The following ESR1 variants were observed in gnomAD, a reference collection of about 807,000 sequenced individuals.
ESR1 encodes the protein estrogen receptor 1, also known as estrogen receptor.
Under a neutral mutation model 52.7 loss-of-function variants are expected in ESR1, and 12 were observed. The ratio of observed to expected loss-of-function variants is 0.23; its 90% CI spans 0.15 to 0.37. ESR1 has a LOEUF of 0.37. Among genes scored for constraint, ESR1 ranks in the 10% least tolerant of loss-of-function variants. The pLI is 1.00. For missense variants in ESR1, 584 were observed against 779.7 expected (o/e 0.75, Z 2.99); for synonymous variants, 305 against 316.8 (o/e 0.96, Z 0.39).
intron 3 of ESR1, among the ~76,000 whole-genome samples, chr6:151,892,610 G>A (rs73621216): frequency 0.038 from 4,750 of 124,122 alleles, 267 homozygotes; most frequent in African/African-American, 0.14. Context: ...TTTTTTTTCT[G>A]TTAGAGATGT....
chr6:151,944,954 G>T (rs970280020), intron 4 of ESR1, among the ~76,000 whole-genome samples: 7 of 152,180 alleles, frequency 4.6e-5, no homozygotes, highest in Non-Finnish European at 8.8e-5. Context: ...GGTGGCTCGT[G>T]CCTGTAATCC....
At chr6:151,806,400 A>G (rs1356467097), upstream of ESR1, among the ~76,000 whole-genome samples, 2 of 151,922 alleles carry the variant, frequency 1.3e-5, no homozygotes, top group Non-Finnish European at 2.9e-5. Flanking sequence ...TGGGATAGCA[A>G]TTAAAACAAA....
intron 1 of ESR1, chr6:151,811,187 A>G (rs1201928527): frequency 6.6e-6 from 1 of 152,210 alleles, no homozygotes; most frequent in African/African-American, 2.4e-5. Context: ...CTGGACGCAT[A>G]ATAATGTGAG....
chr6:151,915,955 G>T (rs936956074), intron 3 of ESR1, among the ~76,000 whole-genome samples: 2 of 152,066 alleles, frequency 1.3e-5, no homozygotes, highest in Non-Finnish European at 2.9e-5. Flanking sequence ...TTTAGCATTT[G>T]ACATTTGATA....
At chr6:152,105,944 C>T (rs1222274546), downstream of ESR1, among the ~76,000 whole-genome samples, 10 of 149,728 alleles carry the variant, frequency 6.7e-5, no homozygotes, top group African/African-American at 2.0e-4. Context: ...CCCGCCACCG[C>T]GCCCGGCTAA....
At chr6:151,698,081 A>G (rs1446277900) in intron 1 of ESR1, among the ~76,000 whole-genome samples, 1 of 152,086 alleles carries the variant, frequency 6.6e-6, no homozygotes, top group African/African-American at 2.4e-5. Context: ...TGGGCGACAG[A>G]ACATTTAATG....
intron 4 of ESR1, among the ~76,000 whole-genome samples, chr6:151,986,586 A>G (rs2040504424): frequency 6.6e-6 from 1 of 152,162 alleles, no homozygotes; most frequent in Non-Finnish European, 1.5e-5. Context: ...TTTTAGATCT[A>G]TTTTTGAAAA....
chr6:151,903,632 C>T (rs992075468), intron 3 of ESR1, among the ~76,000 whole-genome samples: 10 of 152,172 alleles, frequency 6.6e-5, no homozygotes, highest in African/African-American at 2.4e-4. Flanking sequence ...AGCCACTCAG[C>T]TCTGACCCCA....
chr6:151,929,533 G>GT (rs1218553860), intron 3 of ESR1, among the ~76,000 whole-genome samples: 4 of 152,080 alleles, frequency 2.6e-5, no homozygotes, highest in African/African-American at 9.7e-5. Flanking sequence ...TAGATGACAG[G>GT]TTAATAGGTG....
chr6:151,698,076 G>A (rs55776466), intron 1 of ESR1, among the ~76,000 whole-genome samples: 2,939 of 151,572 alleles, frequency 0.019, 36 homozygotes, highest in East Asian at 0.033. Context: ...CAGCCTGGGC[G>A]ACAGAACATT....
intron 3 of ESR1, among the ~76,000 whole-genome samples, chr6:151,904,239 A>G (rs139385123): frequency 1.3e-3 from 192 of 152,350 alleles, no homozygotes; most frequent in Non-Finnish European, 2.2e-3. Flanking sequence ...TAACAAATAA[A>G]TAAAACTGTG....
intron 3 of ESR1, among the ~76,000 whole-genome samples, chr6:151,921,311 C>A (rs190300807): frequency 6.6e-6 from 1 of 152,174 alleles, no homozygotes; most frequent in African/African-American, 2.4e-5. Context: ...TTATGTACCA[C>A]ATTTTCTTTA....
rs751266509 is a variant in ESR1 at position 151,964,705 on chromosome 6, G to A, written c.1096+20197G>A. Among the ~76,000 whole-genome samples, 60 of 150,986 alleles carry A rather than the reference G, an allele frequency of 4.0e-4. 2 individuals are homozygous for A. Among genetic ancestry groups the A allele is most frequent in the East Asian group, 3.9e-4 (2 of 5,104 alleles). The stretch of plus-strand genomic sequence containing the variant: ...CACCCAGGTTGGAGTGCAGTGGTGC[G>A]ATCTCCACTCACTGCAAGCTCTGCC... On this transcript the variant is annotated intron_variant, in intron 4 of 7. Coordinates refer to ENST00000206249, the MANE Select transcript of ESR1 (RefSeq NM_000125.4).
intron 1 of ESR1, among the ~76,000 whole-genome samples, chr6:151,660,102 A>G (rs1582829802): frequency 2.0e-5 from 3 of 152,230 alleles, no homozygotes; most frequent in Admixed American, 6.5e-5. Context: ...ATGGACATTC[A>G]TTACATGTGC....
chr6:151,898,626 A>G (rs1052325380), intron 3 of ESR1, among the ~76,000 whole-genome samples: 1 of 152,060 alleles, frequency 6.6e-6, no homozygotes, highest in African/African-American at 2.4e-5. Flanking sequence ...GCCTTCAAGC[A>G]TCTGTTTAAC....
intron 1 of ESR1, among the ~76,000 whole-genome samples, chr6:151,661,099 G>T (rs1777622169): frequency 6.6e-6 from 1 of 150,976 alleles, no homozygotes. Context: ...TGGTAAGATT[G>T]TTTTAAAAAT....
chr6:151,748,937 A>G (rs774581825), intron 2 of ESR1, among the ~76,000 whole-genome samples: 10 of 152,158 alleles, frequency 6.6e-5, no homozygotes, highest in Non-Finnish European at 1.5e-4. Flanking sequence ...TATTTATTCA[A>G]CTGGCATTTA....
chr6:151,902,141 A>T (rs527692243), intron 3 of ESR1, among the ~76,000 whole-genome samples: 3 of 152,180 alleles, frequency 2.0e-5, no homozygotes, highest in Non-Finnish European at 4.4e-5. Context: ...GGGATTTAAG[A>T]TGTGATCACT....
At chr6:151,999,761 C>G (rs1350036598) in intron 4 of ESR1, among the ~76,000 whole-genome samples, 2 of 152,088 alleles carry the variant, frequency 1.3e-5, no homozygotes, top group African/African-American at 2.4e-5. Context: ...CTTATCCTAT[C>G]AGGGGCTCTT....
Sources: gnomAD v4.1 joint callset for allele counts (sites outside exome capture counted in the v4.1 genomes callset) on GRCh38, gnomAD v4.1.1 for gene constraint, MANE v1.5 for transcripts, NCBI Gene and HGNC (gene_info 2026-07-23, HGNC 2026-07-21) for gene names.